MTUS2: variants seen among roughly 807,000 people sequenced by gnomAD.
The protein encoded by MTUS2 is microtubule associated scaffold protein 2.
A neutral mutation model predicts 114.1 loss-of-function variants in MTUS2; 40 were observed. The observed-to-expected ratio is 0.35, with a 90% CI of 0.27 to 0.46. The LOEUF is 0.46. Among genes scored for constraint, MTUS2 ranks in the 20% least tolerant of loss-of-function variants. The probability of loss-of-function intolerance (pLI) is 1.00; values close to 1 mark genes in which losing one functional copy is unlikely to be tolerated. For missense variants in MTUS2, 1,679 were observed against 1,705.4 expected, an observed-to-expected ratio of 0.98 and a Z score of 0.27; for synonymous variants, 688 against 672.0, an observed-to-expected ratio of 1.02 and a Z score of -0.37.
At chr13:29,307,659 C>T in intron 6 of MTUS2, 1 of 1,143,390 alleles carries the variant, frequency 8.7e-7, no homozygotes, top group East Asian at 2.4e-5. Context: ...ACTCTTCCAC[C>T]TTCGACGCTG....
chr13:29,244,731 C>T (rs1309141296), intron 5 of MTUS2, among the ~76,000 whole-genome samples: 2 of 151,508 alleles, frequency 1.3e-5, no homozygotes, highest in South Asian at 2.1e-4. Context: ...CCGAGGCGGG[C>T]GGATCACGAG....
intron 9 of MTUS2, among the ~76,000 whole-genome samples, chr13:29,468,059 C>T (rs1303578422): frequency 6.6e-6 from 1 of 151,478 alleles, no homozygotes; most frequent in African/African-American, 2.4e-5. Flanking sequence ...GTGGAGGCTA[C>T]ATTGAGCTAT....
chr13:29,151,192 T>C (rs959631494), intron 5 of MTUS2, among the ~76,000 whole-genome samples: 2 of 152,192 alleles, frequency 1.3e-5, no homozygotes, highest in African/African-American at 4.8e-5. Context: ...GTTTTTCCAT[T>C]TGTTATTATC....
At position 29,366,238 on chromosome 13, in the gene MTUS2, A is replaced by T. The variant is rs1186992752; in HGVS notation, c.3117+6765A>T. ...GGGAAGGCCTCACAATCATGGCAGA[A>T]GGTGAAAGGCACATCTCACATGGCG... On this transcript the variant is annotated intron_variant, in intron 8 of 15. Transcript: ENST00000612955. Among the ~76,000 whole-genome samples, 3 of 152,350 alleles carry T rather than the reference A, an allele frequency of 2.0e-5. No homozygotes were observed. The East Asian group carries it at 5.8e-4, about 29-fold the overall frequency.
chr13:29,038,795 G>A (rs1007655411), intron 4 of MTUS2, among the ~76,000 whole-genome samples: 1 of 152,342 alleles, frequency 6.6e-6, no homozygotes, highest in South Asian at 2.1e-4. Flanking sequence ...GGGGTGCTGC[G>A]GTGGGCTCCG....
intron 2 of MTUS2, among the ~76,000 whole-genome samples, chr13:28,925,553 G>C (rs542817927): frequency 4.4e-4 from 67 of 152,154 alleles, no homozygotes; most frequent in African/African-American, 1.5e-3. Flanking sequence ...TGACTTGGTG[G>C]GGCTCACATT....
At chr13:29,253,163 C>T (rs138203577) in intron 5 of MTUS2, among the ~76,000 whole-genome samples, 67 of 151,576 alleles carry the variant, frequency 4.4e-4, no homozygotes, top group African/African-American at 1.6e-3. Context: ...CAGTGGCTCA[C>T]GCCTGTAATT....
At chr13:29,091,976 C>A (rs1566003307) in intron 4 of MTUS2, among the ~76,000 whole-genome samples, 4 of 152,204 alleles carry the variant, frequency 2.6e-5, no homozygotes. Flanking sequence ...GTCATTGTCT[C>A]AGCATCCTGA....
chr13:29,421,781 G>T (rs1291366354), intron 8 of MTUS2, among the ~76,000 whole-genome samples: 1 of 152,208 alleles, frequency 6.6e-6, no homozygotes, highest in African/African-American at 2.4e-5. Flanking sequence ...TTGGAGGGTT[G>T]GGCAGAGCCC....
chr13:29,360,552 A>G (rs1280022828), intron 8 of MTUS2, among the ~76,000 whole-genome samples: 1 of 152,106 alleles, frequency 6.6e-6, no homozygotes, highest in Admixed American at 6.5e-5. Context: ...TTTCCATTTT[A>G]CCAATAGTTT....
chr13:29,084,064 G>A (rs68008399), intron 4 of MTUS2, among the ~76,000 whole-genome samples: 53,751 of 151,806 alleles, frequency 0.35, 10,242 homozygotes, highest in East Asian at 0.63. Context: ...TATAATTATA[G>A]GGGGTAATTT....
intron 5 of MTUS2, among the ~76,000 whole-genome samples, chr13:29,251,848 T>G (rs1316788230): frequency 6.6e-6 from 1 of 152,236 alleles, no homozygotes; most frequent in Non-Finnish European, 1.5e-5. Context: ...AATGGACATT[T>G]GGGTTGTTTC....
In MTUS2 at chr13:29,205,047, A is replaced by T. The variant is rs1248458675; in HGVS notation, c.2645-76657A>T. Among the ~76,000 whole-genome samples the T allele has an allele frequency of 5.9e-5, 9 of 152,264 alleles. No homozygotes were observed. The East Asian group carries it at 1.7e-3, about 30-fold the overall frequency. On this transcript the variant is annotated intron_variant, in intron 5 of 15. Transcript: ENST00000612955. ...GCAGCTGCCTTTAATTTTGTGATTG[A>T]CCTTTAAAGGTAGAAGACAGAATTT...
At chr13:29,400,384 T>G (rs1874235761) in intron 8 of MTUS2, among the ~76,000 whole-genome samples, 1 of 152,194 alleles carries the variant, frequency 6.6e-6, no homozygotes, top group South Asian at 2.1e-4. Context: ...AGATGAGACT[T>G]TGCCCTCGCA....
chr13:29,340,780 G>A (rs867507206), intron 7 of MTUS2, among the ~76,000 whole-genome samples: 1 of 152,174 alleles, frequency 6.6e-6, no homozygotes, highest in Non-Finnish European at 1.5e-5. Flanking sequence ...GCAATGTGTA[G>A]TCTTTCATCC....
chr13:28,887,452 G>T (rs1471096971), intron 2 of MTUS2, among the ~76,000 whole-genome samples: 2 of 152,224 alleles, frequency 1.3e-5, no homozygotes, highest in Non-Finnish European at 2.9e-5. Context: ...GGCACAGCGG[G>T]TGAGGCAGGC....
chr13:29,075,458 A>G (rs1889149235), intron 4 of MTUS2, among the ~76,000 whole-genome samples: 1 of 152,226 alleles, frequency 6.6e-6, no homozygotes, highest in African/African-American at 2.4e-5. Context: ...GGTTGTCTCA[A>G]GATCTCCTTT....
intron 1 of MTUS2, among the ~76,000 whole-genome samples, chr13:28,822,961 AC>A (rs1393421215): frequency 3.9e-5 from 6 of 152,368 alleles, no homozygotes; most frequent in Non-Finnish European, 7.3e-5. Flanking sequence ...TACCTGGAGA[AC>A]TAGCTCTTTG....
At chr13:29,347,565 T>A (rs2138156997) in intron 7 of MTUS2, among the ~76,000 whole-genome samples, 1 of 151,964 alleles carries the variant, frequency 6.6e-6, no homozygotes, top group Non-Finnish European at 1.5e-5. Flanking sequence ...TCACAGCACC[T>A]CTGACACGAC....
Sources: allele counts gnomAD v4.1 joint callset (sites outside exome capture counted in the v4.1 genomes callset), GRCh38; gene constraint gnomAD v4.1.1; transcripts MANE v1.5; gene names NCBI Gene and HGNC (gene_info 2026-07-23, HGNC 2026-07-21).